Variants in LRRC37A2 observed in about 807,000 individuals in gnomAD.
LRRC37A2 encodes the protein leucine-rich repeat-containing protein 37A2.
A neutral mutation model predicts 68.8 loss-of-function variants in LRRC37A2; 9 were observed. The observed-to-expected ratio is 0.13, with a 90% confidence interval of 0.08 to 0.23. LRRC37A2 has a LOEUF of 0.23. LRRC37A2 is among the 10% of genes least tolerant of loss of function. The pLI is 1.00. For missense variants in LRRC37A2, 168 were observed against 950.4 expected, an observed-to-expected ratio of 0.18 and a Z score of 10.82; for synonymous variants, 63 against 367.6, an observed-to-expected ratio of 0.17 and a Z score of 9.48.
the LRRC37A2 span, among the ~76,000 whole-genome samples, chr17:46,768,996 T>C: frequency 6.6e-6 from 1 of 152,114 alleles, no homozygotes; most frequent in Admixed American, 6.5e-5. The surrounding 1 kb of genome is among the most constrained non-coding windows in gnomAD (Gnocchi z 5.0). Flanking sequence ...ACCCCAAGCA[T>C]GGGTAGACAG....
chr17:46,708,164 A>T, the LRRC37A2 span, among the ~76,000 whole-genome samples: 1 of 152,224 alleles, frequency 6.6e-6, no homozygotes, highest in East Asian at 1.9e-4. Flanking sequence ...GGCTGTACAG[A>T]TATCTCTTCA....
chr17:46,923,587 C>CA, the LRRC37A2 span: 1 of 1,289,514 alleles, frequency 7.8e-7, no homozygotes, highest in East Asian at 2.9e-5. Context: ...GAGTAGGAGA[C>CA]ACGGCCCCTG....
At chr17:46,825,522 C>G in the LRRC37A2 span, among the ~76,000 whole-genome samples, 1 of 152,258 alleles carries the variant, frequency 6.6e-6, no homozygotes, top group African/African-American at 2.4e-5. Flanking sequence ...TATAACCCAG[C>G]TCCGGTTGAT....
At chr17:46,875,123 G>A in the LRRC37A2 span, 1 of 1,613,896 alleles carries the variant, frequency 6.2e-7, no homozygotes, top group African/African-American at 1.3e-5. Context: ...CAGCTTTCCT[G>A]TACGCGGTGT....
chr17:46,818,740 T>C, the LRRC37A2 span: 4 of 832,454 alleles, frequency 4.8e-6, no homozygotes, highest in South Asian at 4.6e-5. Context: ...GCCGCCCCCC[T>C]CCCGAGCCCA....
the LRRC37A2 span, among the ~76,000 whole-genome samples, chr17:46,985,832 T>C: frequency 6.6e-6 from 1 of 152,190 alleles, no homozygotes; most frequent in African/African-American, 2.4e-5. Context: ...CAAGAACAGG[T>C]AGTGGGCCAG....
chr17:46,923,346 G>T, the LRRC37A2 span: 4 of 1,522,792 alleles, frequency 2.6e-6, no homozygotes, highest in African/African-American at 2.8e-5. Flanking sequence ...GGGCACTGCT[G>T]GGGATGCCTC....
the LRRC37A2 span, among the ~76,000 whole-genome samples, chr17:47,023,584 G>A: frequency 6.6e-6 from 1 of 152,080 alleles, no homozygotes; most frequent in Non-Finnish European, 1.5e-5. Context: ...GGGAAGCTGA[G>A]GCAGGAGAAT....
At chr17:46,836,024 C>T in the LRRC37A2 span, among the ~76,000 whole-genome samples, 2 of 151,110 alleles carry the variant, frequency 1.3e-5, no homozygotes, top group African/African-American at 4.9e-5. Flanking sequence ...CTGGATGGGG[C>T]CTGCGAGGAT....
chr17:47,012,461 G>GA, the LRRC37A2 span, among the ~76,000 whole-genome samples: 1 of 151,388 alleles, frequency 6.6e-6, no homozygotes, highest in Non-Finnish European at 1.5e-5. Flanking sequence ...CACAGAATGG[G>GA]AAAAAATATC....
At chr17:46,679,337 T>TA in the LRRC37A2 span, among the ~76,000 whole-genome samples, 4 of 140,932 alleles carry the variant, frequency 2.8e-5, no homozygotes, top group African/African-American at 1.1e-4. Context: ...TTAAAAGTTT[T>TA]AAAAATAAAT....
At chr17:47,021,529 T>G in the LRRC37A2 span, 1 of 389,040 alleles carries the variant, frequency 2.6e-6, no homozygotes. Flanking sequence ...ATTTTGGTAC[T>G]GATTTGTAGA....
the LRRC37A2 span, chr17:47,018,190 T>A: frequency 3.1e-6 from 5 of 1,606,208 alleles, no homozygotes; most frequent in Non-Finnish European, 8.5e-7. Context: ...CCAGAGGAGG[T>A]GGAACCTTCT....
chr17:47,022,166 C>CTTTTTTTTTTTTTTTTTTTTT, the LRRC37A2 span, among the ~76,000 whole-genome samples: 84 of 15,828 alleles, frequency 5.3e-3, 29 homozygotes, highest in East Asian at 0.022. Flanking sequence ...CCTTTTTGTT[C>CTTTTTTTTTTTTTTTTTTTTT]TCTTTTTTTT....
the LRRC37A2 span, chr17:46,830,473 C>G: frequency 7.7e-6 from 3 of 391,914 alleles, no homozygotes; most frequent in African/African-American, 6.2e-5. Context: ...AGGCTGATCT[C>G]CAACTCTTGG....
At chr17:46,940,426 T>C in the LRRC37A2 span, 2 of 1,599,910 alleles carry the variant, frequency 1.3e-6, no homozygotes, top group Non-Finnish European at 8.5e-7. Context: ...TCTGTCTAAC[T>C]CTGGGGAGGC....
At chr17:46,836,089 C>T in the LRRC37A2 span, among the ~76,000 whole-genome samples, 2 of 76,654 alleles carry the variant, frequency 2.6e-5, no homozygotes, top group African/African-American at 1.4e-4. Context: ...GCTGGAGAGA[C>T]GCTGACGTGT....
the LRRC37A2 span, among the ~76,000 whole-genome samples, chr17:46,950,505 T>TA: frequency 6.6e-6 from 1 of 152,178 alleles, no homozygotes; most frequent in Non-Finnish European, 1.5e-5. Context: ...AAGGCCCAAT[T>TA]AAAATAGCAC....
At chr17:46,982,555 C>T in the LRRC37A2 span, among the ~76,000 whole-genome samples, 1 of 152,210 alleles carries the variant, frequency 6.6e-6, no homozygotes. Flanking sequence ...GAAACAGCGG[C>T]ACTGACTGTT....
Sources: gnomAD v4.1 joint callset for allele counts (sites outside exome capture counted in the v4.1 genomes callset) on GRCh38, gnomAD v4.1.1 for gene constraint, Gnocchi (gnomAD v3.1) non-coding constraint, MANE v1.5 for transcripts, NCBI Gene and HGNC (gene_info 2026-07-23, HGNC 2026-07-21) for gene names.